MAF: variants seen among roughly 807,000 people sequenced by gnomAD.
MAF encodes transcription factor Maf.
MAF carries 10 observed loss-of-function variants against 22.0 expected under a neutral mutation model. That is an observed-to-expected ratio of 0.45 (90% confidence interval 0.28 to 0.77). MAF has a LOEUF of 0.77. Ranked by LOEUF, MAF falls within the 30% of genes least tolerant of loss-of-function variation. MAF has a pLI of 0.12. For synonymous variants in MAF, 337 were observed against 255.8 expected, an observed-to-expected ratio of 1.32 and a Z score of -3.03; for missense variants, 544 against 548.4, an observed-to-expected ratio of 0.99 and a Z score of 0.08.
At chr16:79,561,732 C>T in the MAF span, among the ~76,000 whole-genome samples, 2 of 152,142 alleles carry the variant, frequency 1.3e-5, no homozygotes, top group South Asian at 2.1e-4. Context: ...GTCTTCAAAG[C>T]CAAATAAAAA....
the MAF span, among the ~76,000 whole-genome samples, chr16:79,293,289 C>G: frequency 6.6e-6 from 1 of 151,984 alleles, no homozygotes; most frequent in Non-Finnish European, 1.5e-5. Context: ...TAGGGGTGCC[C>G]AAAACAGAGT....
At chr16:79,594,905 A>G (rs30413) in intron 1 of MAF, 795,803 of 1,174,734 alleles carry the variant, frequency 0.68, 270,301 homozygotes, top group South Asian at 0.72. Flanking sequence ...ATATTCAACT[A>G]CCTTGTAGAT....
At chr16:79,340,894 G>C in the MAF span, among the ~76,000 whole-genome samples, 2 of 152,162 alleles carry the variant, frequency 1.3e-5, no homozygotes, top group East Asian at 1.9e-4. Flanking sequence ...ATTGCTAAGT[G>C]GGTATGATAC....
At chr16:79,202,945 C>T in the MAF span, 2 of 152,116 alleles carry the variant, frequency 1.3e-5, no homozygotes, top group Non-Finnish European at 1.5e-5. Context: ...AAAAGACATA[C>T]CTTTGTAACT....
chr16:79,347,053 TC>T, the MAF span, among the ~76,000 whole-genome samples: 1 of 152,112 alleles, frequency 6.6e-6, no homozygotes, highest in African/African-American at 2.4e-5. Context: ...CTGAGAAAGC[TC>T]CTTAACCCAG....
the MAF span, among the ~76,000 whole-genome samples, chr16:79,323,390 G>T: frequency 6.6e-6 from 1 of 151,812 alleles, no homozygotes; most frequent in Non-Finnish European, 1.5e-5. Flanking sequence ...ATTATGGGTT[G>T]TTTTTCATTT....
At chr16:79,260,841 A>C in the MAF span, among the ~76,000 whole-genome samples, 1 of 152,222 alleles carries the variant, frequency 6.6e-6, no homozygotes, top group Admixed American at 6.5e-5. Flanking sequence ...ATTAAAAAAA[A>C]AAAAGTTGAG....
chr16:79,256,916 C>G, the MAF span, among the ~76,000 whole-genome samples: 1 of 152,182 alleles, frequency 6.6e-6, no homozygotes. Flanking sequence ...CGGTGGCTCA[C>G]GCCTGTAATC....
the MAF span, among the ~76,000 whole-genome samples, chr16:79,310,450 A>G: frequency 6.6e-6 from 1 of 152,138 alleles, no homozygotes; most frequent in Admixed American, 6.5e-5. Context: ...ACGCTCAAGA[A>G]CCAGGCCAAC....
At chr16:79,438,687 T>C in the MAF span, among the ~76,000 whole-genome samples, 1 of 152,164 alleles carries the variant, frequency 6.6e-6, no homozygotes, top group Non-Finnish European at 1.5e-5. Context: ...GTGCAGAGTC[T>C]GCCTTCTCTT....
At chr16:79,309,394 G>T in the MAF span, among the ~76,000 whole-genome samples, 1 of 152,172 alleles carries the variant, frequency 6.6e-6, no homozygotes, top group African/African-American at 2.4e-5. Flanking sequence ...CATCTCTCCA[G>T]AAGGTCTGCT....
chr16:79,324,124 C>T, the MAF span, among the ~76,000 whole-genome samples: 13 of 152,308 alleles, frequency 8.5e-5, no homozygotes, highest in African/African-American at 3.1e-4. Flanking sequence ...TACATGACTT[C>T]TGACAATTTA....
the MAF span, among the ~76,000 whole-genome samples, chr16:79,517,334 G>T: frequency 0.84 from 127,251 of 152,038 alleles, 53,532 homozygotes; most frequent in East Asian, 0.92. Flanking sequence ...AAGACAGACA[G>T]ACATGCCGAT....
At chr16:79,597,310 A>G (rs1381907240) in intron 1 of MAF, 7 of 1,041,466 alleles carry the variant, frequency 6.7e-6, no homozygotes, top group Middle Eastern at 4.4e-4. Context: ...ATTAAATTAT[A>G]TACTAGAAAC....
At chr16:79,583,357 T>A (rs1414021398), downstream of MAF, among the ~76,000 whole-genome samples, 1 of 152,210 alleles carries the variant, frequency 6.6e-6, no homozygotes, top group Admixed American at 6.5e-5. Context: ...CTGCCGATTG[T>A]AAGACTAGAA....
the MAF span, among the ~76,000 whole-genome samples, chr16:79,307,398 T>C: frequency 1.3e-5 from 2 of 152,326 alleles, no homozygotes; most frequent in South Asian, 2.1e-4. Flanking sequence ...GGGCATGAGC[T>C]CACGGGCTGG....
chr16:79,408,078 CAAAAAAAAA>C, the MAF span, among the ~76,000 whole-genome samples: 13 of 81,578 alleles, frequency 1.6e-4, no homozygotes, highest in South Asian at 6.8e-3. Flanking sequence ...TTTTACCTTT[CAAAAAAAAA>C]AAAAAAAAAA....
At chr16:79,434,956 A>C in the MAF span, among the ~76,000 whole-genome samples, 1 of 152,156 alleles carries the variant, frequency 6.6e-6, no homozygotes, top group Non-Finnish European at 1.5e-5. Flanking sequence ...ATGGTCTGCG[A>C]CTGGTGATGA....
At chr16:79,445,772 A>G in the MAF span, among the ~76,000 whole-genome samples, 1 of 152,208 alleles carries the variant, frequency 6.6e-6, no homozygotes, top group Non-Finnish European at 1.5e-5. Context: ...AAATATTCCA[A>G]TTCCCGGAGG....
Sources: gnomAD v4.1 joint callset for allele counts (sites outside exome capture counted in the v4.1 genomes callset) on GRCh38, gnomAD v4.1.1 for gene constraint, MANE v1.5 for transcripts, NCBI Gene and HGNC (gene_info 2026-07-23, HGNC 2026-07-21) for gene names.